DIAPH2: variants seen among roughly 807,000 people sequenced by gnomAD.
The protein encoded by DIAPH2 is protein diaphanous homolog 2.
Under a neutral mutation model 92.7 loss-of-function variants are expected in DIAPH2, and 35 were observed. That is an observed-to-expected ratio of 0.38 (90% CI 0.29 to 0.50). DIAPH2 has a LOEUF of 0.50. Among genes scored for constraint, DIAPH2 ranks in the 20% least tolerant of loss-of-function variants. The pLI, the probability that DIAPH2 is intolerant of heterozygous loss-of-function variation, is 0.94. For missense variants in DIAPH2, 701 were observed against 819.5 expected (o/e 0.86, Z 1.77); for synonymous variants, 301 against 280.4 (o/e 1.07, Z -0.73).
At chrX:96,768,770 G>T (rs1174240332) in intron 4 of DIAPH2, among the ~76,000 whole-genome samples, 1 of 111,355 alleles carries the variant, frequency 9.0e-6, no homozygotes, top group African/African-American at 3.3e-5. Context: ...GCATGGAGTG[G>T]GGTGAACAAG....
intron 23 of DIAPH2, among the ~76,000 whole-genome samples, chrX:97,264,160 C>G (rs967598248): frequency 2.7e-5 from 3 of 110,875 alleles, no homozygotes; most frequent in Admixed American, 9.7e-5. Context: ...TCAACTACAT[C>G]TTAATGATCT....
intron 26 of DIAPH2, among the ~76,000 whole-genome samples, chrX:97,553,636 G>A (rs1168345536): frequency 9.8e-6 from 1 of 102,452 alleles, no homozygotes; most frequent in African/African-American, 3.6e-5. Flanking sequence ...TTCTCTGGCT[G>A]GCTTTAAAAA....
chrX:97,295,099 A>T (rs1337356816), intron 23 of DIAPH2, among the ~76,000 whole-genome samples: 1 of 111,501 alleles, frequency 9.0e-6, no homozygotes. Context: ...TTTACTAATA[A>T]ACTCATTCAT....
At chrX:97,164,928 A>C (rs910477079) in intron 22 of DIAPH2, among the ~76,000 whole-genome samples, 5 of 112,613 alleles carry the variant, frequency 4.4e-5, no homozygotes, top group Non-Finnish European at 7.5e-5. Flanking sequence ...AAACTGCAAC[A>C]GAAGACCAAG....
At chrX:97,229,663 C>T (rs1164516853) in intron 22 of DIAPH2, among the ~76,000 whole-genome samples, 2 of 109,523 alleles carry the variant, frequency 1.8e-5, no homozygotes, top group African/African-American at 6.6e-5. Context: ...CTTATGAAGA[C>T]ATGGGACACT....
At chrX:97,393,990 C>G (rs1256267869) in intron 25 of DIAPH2, among the ~76,000 whole-genome samples, 1 of 111,608 alleles carries the variant, frequency 9.0e-6, no homozygotes, top group Non-Finnish European at 1.9e-5. Flanking sequence ...CCAAATAAAC[C>G]TAAACATTTA....
intron 1 of DIAPH2, among the ~76,000 whole-genome samples, chrX:96,726,123 T>C (rs1429223887): frequency 8.9e-6 from 1 of 112,120 alleles, no homozygotes; most frequent in African/African-American, 3.2e-5. Context: ...ACAAGCGTTA[T>C]TTTAAACAAA....
chrX:97,266,147 A>G (rs986801635), intron 23 of DIAPH2, among the ~76,000 whole-genome samples: 1 of 111,557 alleles, frequency 9.0e-6, no homozygotes, highest in Non-Finnish European at 1.9e-5. Context: ...CCCTTTGTAC[A>G]TTTCTCAAAT....
intron 25 of DIAPH2, among the ~76,000 whole-genome samples, chrX:97,398,741 AT>A (rs1402119361): frequency 0.018 from 1,743 of 95,869 alleles, 34 homozygotes; most frequent in African/African-American, 0.06. Flanking sequence ...GAAGGATGTG[AT>A]TTTTTTTTTT....
intron 26 of DIAPH2, among the ~76,000 whole-genome samples, chrX:97,503,255 C>T (rs1010804987): frequency 8.9e-6 from 1 of 111,887 alleles, no homozygotes. Context: ...GGTAGAAATA[C>T]TCCAAAGGGC....
At position 97,112,765 on chromosome X, in the gene DIAPH2, C is replaced by CTTTTTTTTT. The variant is rs60721723; in HGVS notation, c.2350-1939_2350-1931dup. 1.2e-3 allele frequency among the ~76,000 whole-genome samples: 46 copies of CTTTTTTTTT among 37,246 alleles called. 1 individual carries two copies. The highest frequency in any genetic ancestry group is 1.5e-3 in the African/African-American group (12 of 8,245). 32.3% of individuals were successfully genotyped at this position (37,246 alleles called of 115,157 possible). On this transcript the variant is annotated intron_variant, in intron 20 of 26. Coordinates refer to ENST00000324765, the MANE Select transcript of DIAPH2 (RefSeq NM_006729.5). ...CTTCCTTCCTTCTTTCCCTTTCTTT[C>CTTTTTTTTT]TTTTTTTTTTTTTTTTTTTTTTTTT...
chrX:97,102,342 A>C (rs1243774907), intron 20 of DIAPH2, among the ~76,000 whole-genome samples: 1 of 111,451 alleles, frequency 9.0e-6, no homozygotes, highest in Non-Finnish European at 1.9e-5. Flanking sequence ...ACTTACCACG[A>C]ACATCCTAAC....
At chrX:97,134,067 C>T (rs1289644549) in intron 21 of DIAPH2, among the ~76,000 whole-genome samples, 1 of 111,802 alleles carries the variant, frequency 8.9e-6, no homozygotes, top group Admixed American at 9.5e-5. Flanking sequence ...TCTGATGATA[C>T]GTAGTAGACA....
At chrX:97,204,688 GA>G (rs1460660628) in intron 22 of DIAPH2, among the ~76,000 whole-genome samples, 3 of 111,407 alleles carry the variant, frequency 2.7e-5, no homozygotes, top group African/African-American at 9.8e-5. Context: ...AAACAAATGG[GA>G]AAACAGCCCA....
chrX:96,689,696 A>G (rs1259905733), intron 1 of DIAPH2, among the ~76,000 whole-genome samples: 2 of 110,588 alleles, frequency 1.8e-5, no homozygotes, highest in Non-Finnish European at 3.8e-5. Flanking sequence ...TCACTCTTCC[A>G]TTAAACACCG....
At chrX:97,260,262 C>A (rs1400562419) in intron 23 of DIAPH2, among the ~76,000 whole-genome samples, 1 of 112,602 alleles carries the variant, frequency 8.9e-6, no homozygotes, top group Non-Finnish European at 1.9e-5. Flanking sequence ...AAAAAAGATA[C>A]AATGCTTACT....
chrX:97,333,163 C>T (rs2069016250), intron 23 of DIAPH2, among the ~76,000 whole-genome samples: 1 of 111,711 alleles, frequency 9.0e-6, no homozygotes, highest in Admixed American at 9.6e-5. Context: ...TTAAGGGAGC[C>T]TTGTTAAAGT....
At chrX:96,722,505 C>G (rs886104520) in intron 1 of DIAPH2, among the ~76,000 whole-genome samples, 7 of 111,288 alleles carry the variant, frequency 6.3e-5, no homozygotes, top group African/African-American at 2.3e-4. Context: ...GCAAACCAGG[C>G]AGGCTCTAAT....
rs760824287 is a variant in DIAPH2, at chrX:97,525,526, T to C, written c.3242-73727T>C. The stretch of plus-strand genomic sequence containing the variant: ...TTACCTGCCTGTCTTTCCTATTAGA[T>C]AGTGAGCTCATTGGGAGCATGTCTT... On this transcript the variant is annotated intron_variant, in intron 26 of 26. Coordinates refer to ENST00000324765, the MANE Select transcript of DIAPH2 (RefSeq NM_006729.5). Among the ~76,000 whole-genome samples the C allele has an allele frequency of 1.1e-4, 12 of 112,319 alleles. No homozygotes were observed. The East Asian group carries it at 3.3e-3, about 31-fold the overall frequency.
Sources: gnomAD v4.1 joint callset for allele counts (sites outside exome capture counted in the v4.1 genomes callset) on GRCh38, gnomAD v4.1.1 for gene constraint, MANE v1.5 for transcripts, NCBI Gene and HGNC (gene_info 2026-07-23, HGNC 2026-07-21) for gene names.